B3GAT2: variants seen among roughly 807,000 people sequenced by gnomAD.
B3GAT2 encodes beta-1,3-glucuronyltransferase 2.
A neutral mutation model predicts 27.8 loss-of-function variants in B3GAT2; 26 were observed. That is an observed-to-expected ratio of 0.93 (90% confidence interval 0.68 to 1.30). The LOEUF is 1.30. B3GAT2 is among the 50% of genes most tolerant of loss of function. B3GAT2 has a pLI of 0.00. For missense variants in B3GAT2, 458 were observed against 459.0 expected (o/e 1.00, Z 0.02); for synonymous variants, 218 against 195.1 (o/e 1.12, Z -0.98).
At chr6:70,891,262 G>A (rs970431912) in intron 2 of B3GAT2, among the ~76,000 whole-genome samples, 1 of 152,182 alleles carries the variant, frequency 6.6e-6, no homozygotes, top group Non-Finnish European at 1.5e-5. Context: ...CACCACCAGT[G>A]GGGCTGCCTC....
chr6:70,857,933 G>A lies in B3GAT2; in HGVS notation c.*3730C>T, dbSNP rs1771503265. 6.2e-7 allele frequency: 1 copy of A among 1,613,708 alleles called. No homozygotes were observed. The highest frequency in any genetic ancestry group is 1.3e-5 in the African/African-American group (1 of 74,878). On this transcript the variant is annotated 3_prime_UTR_variant, in exon 4 of 4. Transcript: ENST00000230053. ...TTTTTGTGGTGCAGGTGTATTTATG[G>A]GACCCACAAATATACCATTTACCTC... is the stretch of plus-strand genomic sequence containing the variant.
Position 70,857,250 on chromosome 6 carries a change from TTCA to T in B3GAT2, c.*4410_*4412del, listed in dbSNP as rs1771465736. On this transcript the variant is annotated 3_prime_UTR_variant, in exon 4 of 4. Transcript: ENST00000230053. Reference sequence around the variant, plus strand: ...AACTTTATTTGGAATTAACAAGCTGTTCATAGATCACTAAATGTTGTTTCACAA... The same window carrying T: ...AACTTTATTTGGAATTAACAAGCTGTTAGATCACTAAATGTTGTTTCACAA... The T allele has an allele frequency of 5.3e-6, 2 of 377,880 alleles. No individual in the cohort carries two copies. Among genetic ancestry groups the T allele is most frequent in the Non-Finnish European group, 9.4e-6 (2 of 212,932 alleles). 23.4% of individuals were successfully genotyped at this position (377,880 alleles called of 1,614,324 possible). A position where few individuals can be genotyped will look rare whatever the true frequency, so the allele number is the denominator to read the frequency against.
At chr6:70,896,054 T>C (rs1172761493) in intron 1 of B3GAT2, among the ~76,000 whole-genome samples, 1 of 152,184 alleles carries the variant, frequency 6.6e-6, no homozygotes, top group East Asian at 1.9e-4. Flanking sequence ...TATGAAATAT[T>C]GGTGGGCAAG....
At chr6:70,910,928 G>A (rs1343834730) in intron 1 of B3GAT2, among the ~76,000 whole-genome samples, 1 of 152,142 alleles carries the variant, frequency 6.6e-6, no homozygotes, top group East Asian at 1.9e-4. Context: ...AATGATTAGT[G>A]ATGTTGGGCA....
chr6:70,921,290 T>C (rs1188980179), intron 1 of B3GAT2, among the ~76,000 whole-genome samples: 1 of 152,220 alleles, frequency 6.6e-6, no homozygotes, highest in African/African-American at 2.4e-5. Context: ...TTTTTAATTA[T>C]TTGTTCATTA....
intron 1 of B3GAT2, among the ~76,000 whole-genome samples, chr6:70,944,354 A>C (rs891255228): frequency 5.3e-5 from 8 of 152,140 alleles, no homozygotes; most frequent in African/African-American, 1.9e-4. Flanking sequence ...CACCTGGAAA[A>C]TCGGGTCACT....
intron 1 of B3GAT2, among the ~76,000 whole-genome samples, chr6:70,917,305 CT>C (rs1470118505): frequency 1.5e-4 from 23 of 151,928 alleles, no homozygotes; most frequent in Admixed American, 1.5e-3. Context: ...CCTTATTAGT[CT>C]TGCTTGTCAT....
chr6:70,885,409 C>G (rs1772168495), intron 2 of B3GAT2, among the ~76,000 whole-genome samples: 1 of 152,132 alleles, frequency 6.6e-6, no homozygotes, highest in Non-Finnish European at 1.5e-5. Flanking sequence ...TAACAATGAA[C>G]ACGTATCTGC....
chr6:70,858,298 T>G lies in B3GAT2; in HGVS notation c.*3365A>C, dbSNP rs58650114. The G allele has an allele frequency of 3.5e-3, 4,290 of 1,215,366 alleles. 11 individuals carry two copies. Among genetic ancestry groups the G allele is most frequent in the South Asian group, 0.012 (645 of 53,838 alleles). 75.3% of individuals were successfully genotyped at this position (1,215,366 alleles called of 1,614,324 possible). On this transcript the variant is annotated 3_prime_UTR_variant, in exon 4 of 4. Transcript: ENST00000230053. Reference sequence around the variant, plus strand: ...TTTATTTTCTAAATCTTTTTTTTTTTTTTTTTTTTTTTTTTTTAAGTCTAG... The same window carrying G: ...TTTATTTTCTAAATCTTTTTTTTTTGTTTTTTTTTTTTTTTTTAAGTCTAG...
intron 1 of B3GAT2, among the ~76,000 whole-genome samples, chr6:70,929,668 CAAACCACTGCTCAATG>C (rs1773027863): frequency 6.6e-6 from 1 of 152,148 alleles, no homozygotes; most frequent in African/African-American, 2.4e-5. Flanking sequence ...AGGAGAACTA[CAAACCACTGCTCAATG>C]AAATAAAAGA....
chr6:70,918,215 A>G (rs1165946727), intron 1 of B3GAT2, among the ~76,000 whole-genome samples: 2 of 152,198 alleles, frequency 1.3e-5, no homozygotes, highest in African/African-American at 4.8e-5. Context: ...ATCAGAGACC[A>G]GGATGGCAAA....
intron 2 of B3GAT2, among the ~76,000 whole-genome samples, chr6:70,870,568 GTTTTCC>G (rs1771918317): frequency 6.6e-6 from 1 of 151,690 alleles, no homozygotes; most frequent in Admixed American, 6.6e-5. Context: ...AAAAAAAAGA[GTTTTCC>G]TTTTCAACAG....
chr6:70,873,378 C>T lies in B3GAT2; in HGVS notation c.737-11400G>A, dbSNP rs988709130. 2.8e-5 allele frequency among the ~76,000 whole-genome samples: 4 copies of T among 142,476 alleles called. No homozygotes were observed. The South Asian group carries it at 6.9e-4, about 24-fold the overall frequency. The allele number at this position is 142,476 out of a possible 152,430, so 93.5% of individuals were successfully genotyped here. A position where few individuals can be genotyped will look rare whatever the true frequency, so the allele number is the denominator to read the frequency against. ...TTTCCTTCCAGTACTTTGAATCTGT[C>T]ATCCCACTGCCTTCTAGCTTCTGTG... On this transcript the variant is annotated intron_variant, in intron 2 of 3. Transcript: ENST00000230053.
chr6:70,918,561 C>T (rs1772815228), intron 1 of B3GAT2, among the ~76,000 whole-genome samples: 1 of 152,138 alleles, frequency 6.6e-6, no homozygotes, highest in Non-Finnish European at 1.5e-5. Flanking sequence ...TTTAGTTCTT[C>T]CTTCAGGAGC....
intron 1 of B3GAT2, among the ~76,000 whole-genome samples, chr6:70,931,120 T>C (rs1021220554): frequency 6.6e-6 from 1 of 151,520 alleles, no homozygotes; most frequent in Admixed American, 6.6e-5. Flanking sequence ...CACTCATAGG[T>C]GGGAACTGAA....
chr6:70,870,913 C>T (rs986881117), intron 2 of B3GAT2, among the ~76,000 whole-genome samples: 3 of 152,082 alleles, frequency 2.0e-5, no homozygotes, highest in African/African-American at 7.2e-5. Context: ...GAAGTTCCCT[C>T]CTATTCCTAG....
Position 70,858,043 on chromosome 6 carries a change from A to G in B3GAT2, c.*3620T>C, listed in dbSNP as rs531947443. 13 of 1,614,050 alleles carry G rather than the reference A, an allele frequency of 8.1e-6. No homozygotes were observed. In the South Asian group the frequency reaches 1.3e-4, roughly 16 times the overall value. On this transcript the variant is annotated 3_prime_UTR_variant, in exon 4 of 4. Coordinates refer to ENST00000230053, the MANE Select transcript of B3GAT2 (RefSeq NM_080742.3). Reference sequence around the variant, plus strand: ...CTGGCCTTATAGGAAATGTGATGGGACAGAGTCCAAGCATGATGGTGGGCA... The same window carrying G: ...CTGGCCTTATAGGAAATGTGATGGGGCAGAGTCCAAGCATGATGGTGGGCA...
rs1771586229 is a variant in B3GAT2, at chr6:70,859,246, T to A, written c.*2417A>T. 2 of 912,052 alleles carry A rather than the reference T, an allele frequency of 2.2e-6. No homozygotes were observed. Among genetic ancestry groups the A allele is most frequent in the Admixed American group, 2.8e-5 (1 of 35,526 alleles). 56.5% of individuals were successfully genotyped at this position (912,052 alleles called of 1,614,324 possible). ...TTGTATGTGCTAAGTGTCAGTCACA[T>A]GGTCAACATGCTGAAGCACACCCAG... On this transcript the variant is annotated 3_prime_UTR_variant, in exon 4 of 4. Coordinates refer to ENST00000230053, the MANE Select transcript of B3GAT2 (RefSeq NM_080742.3).
rs1048906214 is a variant in B3GAT2 at position 70,884,102 on chromosome 6, A to C, written c.736+10026T>G. Reference sequence around the variant, plus strand: ...CGGGATCACCTCAAGACTCAAAAAAAAAAAAAAAAAACAAAAAAAACCCGC... The same window carrying C: ...CGGGATCACCTCAAGACTCAAAAAACAAAAAAAAAAACAAAAAAAACCCGC... On this transcript the variant is annotated intron_variant, in intron 2 of 3. Transcript: ENST00000230053. 5.2e-3 allele frequency among the ~76,000 whole-genome samples: 774 copies of C among 149,828 alleles called. 7 individuals carry two copies. The highest frequency in any genetic ancestry group is 0.018 in the African/African-American group (734 of 40,296).
Sources: gnomAD v4.1 joint callset for allele counts (sites outside exome capture counted in the v4.1 genomes callset) on GRCh38, gnomAD v4.1.1 for gene constraint, MANE v1.5 for transcripts, NCBI Gene and HGNC (gene_info 2026-07-23, HGNC 2026-07-21) for gene names.